Variants in SEMA4D observed in about 807,000 individuals in gnomAD.
The protein encoded by SEMA4D is semaphorin 4D, also known as semaphorin-4D.
SEMA4D carries 22 observed loss-of-function variants against 74.8 expected under a neutral mutation model. The ratio of observed to expected loss-of-function variants is 0.29; its 90% CI spans 0.21 to 0.42. The LOEUF is 0.42. SEMA4D is among the 10% of genes least tolerant of loss of function. The pLI, the probability that SEMA4D is intolerant of heterozygous loss-of-function variation, is 1.00. For synonymous variants in SEMA4D, 445 were observed against 463.7 expected (o/e 0.96, Z 0.52); for missense variants, 937 against 1,118.4 (o/e 0.84, Z 2.31).
chr9:89,414,798 C>G (rs1368151104), intron 2 of SEMA4D, among the ~76,000 whole-genome samples: 1 of 152,204 alleles, frequency 6.6e-6, no homozygotes, highest in Non-Finnish European at 1.5e-5. Context: ...ACTCACCCAG[C>G]AGGGCAGCTG....
At chr9:89,453,322 T>C (rs1855081268) in intron 2 of SEMA4D, among the ~76,000 whole-genome samples, 1 of 152,268 alleles carries the variant, frequency 6.6e-6, no homozygotes, top group Non-Finnish European at 1.5e-5. Context: ...ATTCACTTTC[T>C]GCACTCAACT....
intron 2 of SEMA4D, among the ~76,000 whole-genome samples, chr9:89,406,982 T>C (rs1169496512): frequency 1.6e-5 from 2 of 122,934 alleles, no homozygotes; most frequent in African/African-American, 3.1e-5. Flanking sequence ...AATCCATAGA[T>C]GGTGCTGCTG....
intron 1 of SEMA4D, among the ~76,000 whole-genome samples, chr9:89,475,088 G>A (rs1345305619): frequency 1.3e-5 from 2 of 152,210 alleles, no homozygotes; most frequent in Non-Finnish European, 2.9e-5. Flanking sequence ...TGGGGAAAAG[G>A]GTCGAGGTGC....
At chr9:89,487,563 C>T (rs1339530083) in intron 1 of SEMA4D, among the ~76,000 whole-genome samples, 2 of 152,012 alleles carry the variant, frequency 1.3e-5, no homozygotes, top group Non-Finnish European at 2.9e-5. Context: ...GAGTAAAAGG[C>T]ATTCTAACTG....
At chr9:89,382,968 C>A (rs1294318868) in intron 13 of SEMA4D, among the ~76,000 whole-genome samples, 2 of 152,196 alleles carry the variant, frequency 1.3e-5, no homozygotes, top group Non-Finnish European at 2.9e-5. Context: ...AGACTCAGCC[C>A]CAGCTTCCGC....
chr9:89,424,999 A>C (rs1847807847), intron 2 of SEMA4D, among the ~76,000 whole-genome samples: 1 of 152,054 alleles, frequency 6.6e-6, no homozygotes, highest in Non-Finnish European at 1.5e-5. Flanking sequence ...AAGCCCTACA[A>C]CTTGCTAGGT....
intron 1 of SEMA4D, among the ~76,000 whole-genome samples, chr9:89,493,332 G>A (rs1446163574): frequency 2.0e-5 from 3 of 152,178 alleles, no homozygotes; most frequent in African/African-American, 7.2e-5. Flanking sequence ...AAAGGCAGGC[G>A]GCTCCTGGCA....
chr9:89,468,235 ACT>A (rs553696445), intron 1 of SEMA4D, among the ~76,000 whole-genome samples: 116 of 152,206 alleles, frequency 7.6e-4, no homozygotes, highest in African/African-American at 2.6e-3. Context: ...CTCATAAATC[ACT>A]CTATTTTAAA....
chr9:89,450,071 C>G, intron 2 of SEMA4D: 3 of 1,295,606 alleles, frequency 2.3e-6, no homozygotes, highest in Non-Finnish European at 3.4e-6. Flanking sequence ...AAGCCTGGAA[C>G]AAAGTTGCCC....
At chr9:89,477,638 T>G (rs528562912) in intron 1 of SEMA4D, among the ~76,000 whole-genome samples, 8 of 152,324 alleles carry the variant, frequency 5.3e-5, no homozygotes, top group African/African-American at 1.9e-4. Flanking sequence ...CCTCTATGGA[T>G]GTGTGTGTAC....
Position 89,381,690 on chromosome 9 carries a change from C to A in SEMA4D, c.1447-344G>T, listed in dbSNP as rs1387764609. On this transcript the variant is annotated intron_variant, in intron 13 of 15. Coordinates refer to ENST00000422704, the MANE Select transcript of SEMA4D (RefSeq NM_001371194.2). The surrounding 1 kb of genome is among the most constrained non-coding windows in gnomAD (Gnocchi z 4.6). ...TCCCCACCTCCAGATCTCCTCCCTGCAGCAGAGGATGCATGAGCCTGGCAC... is the reference window on the plus strand; with the variant it reads ...TCCCCACCTCCAGATCTCCTCCCTGAAGCAGAGGATGCATGAGCCTGGCAC... 3.5e-5 allele frequency: 7 copies of A among 198,850 alleles called. No individual in the cohort carries two copies. The highest frequency in any genetic ancestry group is 1.4e-4 in the African/African-American group (6 of 43,216). The allele number at this position is 198,850 out of a possible 1,614,324, so 12.3% of individuals were successfully genotyped here.
At chr9:89,389,758 T>A (rs1056854785) in intron 9 of SEMA4D, among the ~76,000 whole-genome samples, 1 of 152,224 alleles carries the variant, frequency 6.6e-6, no homozygotes, top group Non-Finnish European at 1.5e-5. Context: ...AGGGAAAATG[T>A]TCCCCCTTCA....
At chr9:89,428,310 G>A (rs911277575) in intron 2 of SEMA4D, among the ~76,000 whole-genome samples, 2 of 152,224 alleles carry the variant, frequency 1.3e-5, no homozygotes, top group Non-Finnish European at 2.9e-5. Flanking sequence ...CACATTCGAT[G>A]CTGCCCAGCA....
intron 6 of SEMA4D, among the ~76,000 whole-genome samples, chr9:89,395,198 G>A (rs1280823026): frequency 6.6e-6 from 1 of 152,166 alleles, no homozygotes; most frequent in Non-Finnish European, 1.5e-5. Flanking sequence ...GGCCAAGGCG[G>A]GTGGATCACC....
intron 2 of SEMA4D, among the ~76,000 whole-genome samples, chr9:89,431,742 C>T (rs1449460807): frequency 1.3e-5 from 2 of 152,176 alleles, no homozygotes; most frequent in South Asian, 4.1e-4. Context: ...AAGTGATCCT[C>T]CCACCTTGGC....
At chr9:89,451,332 C>T (rs577105257) in intron 2 of SEMA4D, among the ~76,000 whole-genome samples, 1 of 152,338 alleles carries the variant, frequency 6.6e-6, no homozygotes, top group African/African-American at 2.4e-5. Flanking sequence ...GGAGCCTTCA[C>T]TTATGAAGCA....
intron 2 of SEMA4D, among the ~76,000 whole-genome samples, chr9:89,430,656 T>C (rs1278139075): frequency 6.6e-6 from 1 of 152,236 alleles, no homozygotes; most frequent in African/African-American, 2.4e-5. Context: ...TGGTGCCTTA[T>C]CAGTAAAAAT....
At chr9:89,449,737 C>T in intron 2 of SEMA4D, 1 of 1,517,028 alleles carries the variant, frequency 6.6e-7, no homozygotes, top group Non-Finnish European at 9.1e-7. Flanking sequence ...ATGCAAGAAA[C>T]AGGGAAAATC....
At chr9:89,370,239 T>C (rs532536353) in intron 16 of SEMA4D, among the ~76,000 whole-genome samples, 2 of 150,264 alleles carry the variant, frequency 1.3e-5, no homozygotes, top group African/African-American at 4.9e-5. Flanking sequence ...TGTGCATTTA[T>C]TGTGTGCATG....
Sources: allele counts gnomAD v4.1 joint callset (sites outside exome capture counted in the v4.1 genomes callset), GRCh38; gene constraint gnomAD v4.1.1; non-coding constraint Gnocchi (gnomAD v3.1); transcripts MANE v1.5; gene names NCBI Gene and HGNC (gene_info 2026-07-23, HGNC 2026-07-21).